EXPH5: variants seen among roughly 807,000 people sequenced by gnomAD.
EXPH5 encodes exophilin 5.
EXPH5 carries 42 observed loss-of-function variants against 41.1 expected under a neutral mutation model. The ratio of observed to expected loss-of-function variants is 1.02; its 90% confidence interval spans 0.80 to 1.32. The LOEUF is 1.32. EXPH5 is among the 40% of genes most tolerant of loss of function. The pLI, the probability that EXPH5 is intolerant of heterozygous loss-of-function variation, is 0.00. For synonymous variants in EXPH5, 798 were observed against 833.5 expected (o/e 0.96, Z 0.73); for missense variants, 2,298 against 2,314.5 (o/e 0.99, Z 0.15).
chr11:108,574,100 G>A (rs1433402639), intron 1 of EXPH5, among the ~76,000 whole-genome samples: 9 of 150,742 alleles, frequency 6.0e-5, no homozygotes, highest in South Asian at 2.1e-4. Flanking sequence ...TAGTAGAGAC[G>A]GGGTTTCACC....
chr11:108,573,615 G>A (rs2094070284), intron 1 of EXPH5, among the ~76,000 whole-genome samples: 1 of 152,050 alleles, frequency 6.6e-6, no homozygotes, highest in South Asian at 2.1e-4. Context: ...AATTATCAAG[G>A]GCCTCAGAAG....
intron 1 of EXPH5, among the ~76,000 whole-genome samples, chr11:108,576,845 AT>A (rs2094081334): frequency 6.6e-6 from 1 of 152,106 alleles, no homozygotes; most frequent in African/African-American, 2.4e-5. Flanking sequence ...ATCTAACTGT[AT>A]TTTTGTGCCT....
chr11:108,530,023 A>C (rs1272530854), intron 3 of EXPH5, among the ~76,000 whole-genome samples: 2 of 152,154 alleles, frequency 1.3e-5, no homozygotes, highest in Non-Finnish European at 2.9e-5. Context: ...CAGCAGCTTC[A>C]TGGTTCATAA....
upstream of EXPH5, among the ~76,000 whole-genome samples, chr11:108,598,465 G>A (rs1342179676): frequency 1.3e-5 from 2 of 152,180 alleles, no homozygotes. Context: ...TCCTTGGAAA[G>A]AGACAGATAA....
intron 1 of EXPH5, among the ~76,000 whole-genome samples, chr11:108,550,846 G>GA (rs558797945): frequency 6.6e-5 from 10 of 151,760 alleles, no homozygotes; most frequent in African/African-American, 9.7e-5. Context: ...TGTACAAATT[G>GA]AAAAAAACAT....
At chr11:108,603,319 T>C in the EXPH5 span, among the ~76,000 whole-genome samples, 1 of 152,216 alleles carries the variant, frequency 6.6e-6, no homozygotes, top group Non-Finnish European at 1.5e-5. Flanking sequence ...ATGTACTAAA[T>C]GCCATTGGAT....
chr11:108,546,856 A>T (rs2093940680), intron 1 of EXPH5, among the ~76,000 whole-genome samples: 1 of 151,126 alleles, frequency 6.6e-6, no homozygotes, highest in African/African-American at 2.4e-5. Flanking sequence ...AGGCTGGAGT[A>T]CAGTGGCACA....
At chr11:108,579,326 C>T (rs12271426) in intron 1 of EXPH5, among the ~76,000 whole-genome samples, 9,775 of 151,946 alleles carry the variant, frequency 0.064, 844 homozygotes, top group African/African-American at 0.2. Context: ...TATTAACTTG[C>T]ATATGTTGAA....
chr11:108,576,054 C>T (rs77530601), intron 1 of EXPH5, among the ~76,000 whole-genome samples: 1 of 152,126 alleles, frequency 6.6e-6, no homozygotes, highest in African/African-American at 2.4e-5. Context: ...ACCATATGTT[C>T]CAGTAATTCC....
rs1440971840 is a variant in EXPH5 at position 108,541,716 on chromosome 11, T to C, written c.216A>G (p.Thr72=). 6.2e-7 allele frequency: 1 copy of C among 1,613,314 alleles called. No individual in the cohort carries two copies. The highest frequency in any genetic ancestry group is 1.7e-5 in the Admixed American group (1 of 59,980). ...EIQRKKFCNE[T]DVSQMLKQPL... ...GTTGTTTTAACATTTGGCTAACATC[T>C]GTTTCATTGCAAAACTTTTTTCTTT... The change falls in exon 2 of 6, where the codon ACA becomes ACG. Residue 72 remains threonine, a synonymous_variant. Coordinates refer to ENST00000265843, the MANE Select transcript of EXPH5 (RefSeq NM_015065.3).
rs551877903 is a variant in EXPH5, at chr11:108,546,343, G to A, written c.120-4531C>T. ...GGTGGAGAGTAGATTCCAGTGCGGG[G>A]CAGGAGACCAGTCAGGACACTTGTA... is the stretch of plus-strand genomic sequence containing the variant. On this transcript the variant is annotated intron_variant, in intron 1 of 5. Coordinates refer to ENST00000265843, the MANE Select transcript of EXPH5 (RefSeq NM_015065.3). Among the ~76,000 whole-genome samples the A allele has an allele frequency of 2.6e-5, 4 of 152,242 alleles. 1 individual carries two copies. The South Asian group carries it at 8.3e-4, about 32-fold the overall frequency.
intron 1 of EXPH5, among the ~76,000 whole-genome samples, chr11:108,544,210 GACA>G (rs1305953709): frequency 6.6e-6 from 1 of 152,110 alleles, no homozygotes; most frequent in Non-Finnish European, 1.5e-5. Flanking sequence ...TATTTCTAGA[GACA>G]ACGTCTCACT....
At position 108,509,440 on chromosome 11, in the gene EXPH5, G is replaced by A; in HGVS notation, c.*97C>T. On this transcript the variant is annotated 3_prime_UTR_variant, in exon 6 of 6. Coordinates refer to ENST00000265843, the MANE Select transcript of EXPH5 (RefSeq NM_015065.3). Reference sequence around the variant, plus strand: ...GACATTTCAGAGCAGACACTGCCCAGACTAGATCTTTTATCCTTCCATGCA... The same window carrying A: ...GACATTTCAGAGCAGACACTGCCCAAACTAGATCTTTTATCCTTCCATGCA... 2.5e-6 allele frequency: 3 copies of A among 1,209,980 alleles called. No individual in the cohort carries two copies. Among genetic ancestry groups the A allele is most frequent in the Non-Finnish European group, 2.3e-6 (2 of 875,080 alleles). 75.0% of individuals were successfully genotyped at this position (1,209,980 alleles called of 1,614,324 possible). A position where few individuals can be genotyped will look rare whatever the true frequency, so the allele number is the denominator to read the frequency against.
chr11:108,532,301 C>A (rs57007024), intron 3 of EXPH5, among the ~76,000 whole-genome samples: 11,623 of 129,490 alleles, frequency 0.09, 700 homozygotes, highest in Middle Eastern at 0.16. Context: ...CCTAAGCCTC[C>A]TGAGTAGCTA....
rs114298764 is a variant in EXPH5 at position 108,582,657 on chromosome 11, C to T, written c.119+10761G>A. ...TTTCTCAGGCTACCCCAATAAAGTA[C>T]TGCACATTGAGCGACTTGAACAACA... On this transcript the variant is annotated intron_variant, in intron 1 of 5. Transcript: ENST00000265843. Among the ~76,000 whole-genome samples the T allele has an allele frequency of 8.1e-3, 1,234 of 152,332 alleles. 16 individuals are homozygous for T. The highest frequency in any genetic ancestry group is 0.026 in the African/African-American group (1,091 of 41,574).
chr11:108,571,091 GGAACTGGGAATACAAA>G lies in EXPH5; in HGVS notation c.119+22311_119+22326del, dbSNP rs565981210. Among the ~76,000 whole-genome samples the G allele has an allele frequency of 7.2e-5, 11 of 152,324 alleles. No individual in the cohort carries two copies. The South Asian group carries it at 2.1e-3, about 29-fold the overall frequency. The stretch of plus-strand genomic sequence containing the variant: ...GAAGAAGCTGGAGCCTCAGCTCGGT[GGAACTGGGAATACAAA>G]GAGCTGGGTAGAGCTGTCTGAGGGT... On this transcript the variant is annotated intron_variant, in intron 1 of 5. Transcript: ENST00000265843.
At chr11:108,599,121 G>A in the EXPH5 span, among the ~76,000 whole-genome samples, 8 of 152,206 alleles carry the variant, frequency 5.3e-5, no homozygotes, top group Middle Eastern at 3.4e-3. Flanking sequence ...TGGCTTCTGG[G>A]ATAATAAAAT....
chr11:108,558,902 G>T (rs1222470862), intron 1 of EXPH5, among the ~76,000 whole-genome samples: 1 of 152,142 alleles, frequency 6.6e-6, no homozygotes, highest in Non-Finnish European at 1.5e-5. Flanking sequence ...AGTAGGTATT[G>T]TACTCATTTT....
chr11:108,530,314 C>T (rs1338035911), intron 3 of EXPH5, among the ~76,000 whole-genome samples: 2 of 152,110 alleles, frequency 1.3e-5, no homozygotes, highest in South Asian at 4.1e-4. Flanking sequence ...CAGATAGGGA[C>T]CCTGTTCTCT....
Sources: gnomAD v4.1 joint callset for allele counts (sites outside exome capture counted in the v4.1 genomes callset) on GRCh38, gnomAD v4.1.1 for gene constraint, MANE v1.5 for transcripts, NCBI Gene and HGNC (gene_info 2026-07-23, HGNC 2026-07-21) for gene names.